PHF19: variants seen among roughly 807,000 people sequenced by gnomAD.
PHF19 encodes polycomb like 3.
In PHF19, 21 loss-of-function variants were observed where a neutral mutation model predicts 79.8. The observed-to-expected ratio is 0.26, with a 90% confidence interval of 0.19 to 0.38. The LOEUF is 0.38. PHF19 is among the 10% of genes least tolerant of loss of function. The pLI, the probability that PHF19 is intolerant of heterozygous loss-of-function variation, is 1.00. For missense variants in PHF19, 445 were observed against 744.2 expected (o/e 0.60, Z 4.68); for synonymous variants, 273 against 296.3 (o/e 0.92, Z 0.81).
At chr9:120,864,261 G>C (rs1382868775) in intron 9 of PHF19, 145 bp from the exon 10 acceptor site, 14 of 675,366 alleles carry the variant, frequency 2.1e-5, no homozygotes, top group Non-Finnish European at 3.5e-5. Context: ...TCTCAGAAAA[G>C]CCTTTTCACC....
chr9:120,861,089 C>A lies in PHF19; in HGVS notation c.1304G>T (p.Ser435Ile). 6.3e-7 allele frequency: 1 copy of A among 1,582,392 alleles called. No individual in the cohort carries two copies. The highest frequency in any genetic ancestry group is 8.7e-7 in the Non-Finnish European group (1 of 1,151,106). ...TCTGTGCTAGGTCCCTCACTGATAC[C>A]TTTTTAAACTTTGAATTTCATCCAG... ...FTLDEIQSLK[S>I]ASSGQTFFSD... The change falls in exon 13 of 15, where the codon AGT becomes ATT. Residue 435 changes from serine (S) to isoleucine (I), a missense_variant and splice_region_variant. Physicochemically the swap from Ser to Ile is moderately radical, Grantham distance 142. Transcript: ENST00000373896.
chr9:120,896,445 T>C (rs1215457968), upstream of PHF19, among the ~76,000 whole-genome samples: 32 of 128,056 alleles, frequency 2.5e-4, no homozygotes, highest in Non-Finnish European at 4.2e-4. Context: ...TTCTTTTTTT[T>C]TTTTTCTTTT....
chr9:120,881,338 G>A (rs541098557), upstream of PHF19, among the ~76,000 whole-genome samples: 2 of 151,800 alleles, frequency 1.3e-5, no homozygotes. Context: ...TAGTAGAGAC[G>A]GGCTTTCACC....
chr9:120,886,585 C>T (rs373379210), intron 1 of PHF19, among the ~76,000 whole-genome samples: 2 of 152,332 alleles, frequency 1.3e-5, no homozygotes, highest in South Asian at 2.1e-4. Context: ...TAGCCATGCA[C>T]TCCTGGTGTG....
chr9:120,877,224 G>C (rs1199315077), upstream of PHF19: 9 of 941,840 alleles, frequency 9.6e-6, no homozygotes, highest in Non-Finnish European at 1.0e-5. Context: ...GTCTCGGCGG[G>C]GGCGGGGCGG....
Position 120,869,798 on chromosome 9 carries a change from C to G in PHF19, c.465+47G>C. ...TGATGGGAGTCTCTGGTCTGCCCCA[C>G]TGGAGGAGGCAGGAGAGGCAGGGAC... On this transcript the variant is annotated intron_variant, in intron 5 of 14. Coordinates refer to ENST00000373896, the MANE Select transcript of PHF19 (RefSeq NM_015651.3). The surrounding 1 kb of genome is among the most constrained non-coding windows in gnomAD (Gnocchi z 5.8). The G allele has an allele frequency of 6.2e-7, 1 of 1,611,644 alleles. No homozygotes were observed. Among genetic ancestry groups the G allele is most frequent in the Non-Finnish European group, 8.5e-7 (1 of 1,179,100 alleles).
chr9:120,872,213 C>A (rs2045924971), intron 3 of PHF19, among the ~76,000 whole-genome samples: 2 of 152,134 alleles, frequency 1.3e-5, no homozygotes, highest in Admixed American at 1.3e-4. Flanking sequence ...GTGGTGCCCA[C>A]AGTGCATCTC....
rs934929019 is a variant in PHF19 at position 120,866,545 on chromosome 9, G to A, written c.710+325C>T. Among the ~76,000 whole-genome samples the A allele has an allele frequency of 1.3e-4, 20 of 152,170 alleles. No homozygotes were observed. The highest frequency in any genetic ancestry group is 4.4e-5 in the Non-Finnish European group (3 of 68,030). ...CCCAGTGACTCCCACAGCAACCCTG[G>A]GCAGGGCTGGCGCAAGGACTGTGTC... On this transcript the variant is annotated intron_variant, in intron 7 of 14. Coordinates refer to ENST00000373896, the MANE Select transcript of PHF19 (RefSeq NM_015651.3). This position sits in a 1 kb window ranked among gnomAD's most constrained non-coding sequence, Gnocchi z 5.2.
chr9:120,886,486 C>T (rs1385034556), intron 1 of PHF19, among the ~76,000 whole-genome samples: 1 of 152,252 alleles, frequency 6.6e-6, no homozygotes, highest in East Asian at 1.9e-4. Context: ...GGAGCTTGGT[C>T]TGTGCAGGTC....
rs373606245 is a variant in PHF19, at chr9:120,874,775, G to A, written c.-15-19C>T. ...CCTGACACTGGGAGAGAAAGAACAG[G>A]GTTTTTGCTTCTTGCTTCCCTGCTT... On this transcript the variant is annotated intron_variant, in intron 1 of 14. Coordinates refer to ENST00000373896, the MANE Select transcript of PHF19 (RefSeq NM_015651.3). The surrounding 1 kb of genome is among the most constrained non-coding windows in gnomAD (Gnocchi z 4.5). 21 of 1,561,198 alleles carry A rather than the reference G, an allele frequency of 1.3e-5. No individual in the cohort carries two copies. Among genetic ancestry groups the A allele is most frequent in the Non-Finnish European group, 1.8e-5 (20 of 1,137,636 alleles).
At chr9:120,871,757 CG>C (rs1465652970) in intron 3 of PHF19, among the ~76,000 whole-genome samples, 1 of 152,060 alleles carries the variant, frequency 6.6e-6, no homozygotes, top group Non-Finnish European at 1.5e-5. Flanking sequence ...GGGATCTCTT[CG>C]GCCGGGCGCA....
intron 3 of PHF19, 92 bp downstream of exon 3, chr9:120,873,887 A>T (rs2045973990): frequency 1.4e-6 from 1 of 717,586 alleles, no homozygotes; most frequent in Admixed American, 2.2e-5. Flanking sequence ...GCCAGGAGTA[A>T]GAGATGGAAG....
chr9:120,860,921 G>C lies in PHF19; in HGVS notation c.1304+168C>G, dbSNP rs1179371843. 1 of 601,062 alleles carries C rather than the reference G, an allele frequency of 1.7e-6. No individual in the cohort carries two copies. The highest frequency in any genetic ancestry group is 2.9e-5 in the East Asian group (1 of 34,646). The allele number at this position is 601,062 out of a possible 1,614,324, so 37.2% of individuals were successfully genotyped here. A position where few individuals can be genotyped will look rare whatever the true frequency, so the allele number is the denominator to read the frequency against. On this transcript the variant is annotated intron_variant, in intron 13 of 14. Transcript: ENST00000373896. The surrounding 1 kb of genome is among the most constrained non-coding windows in gnomAD (Gnocchi z 4.1). ...GTGGGGAGGGCTGGAGAAGAGGGGA[G>C]GGCTGTGGTGCTCTGGGAACAGGGA...
rs1304341529 is a variant in PHF19, at chr9:120,857,220, G to A, written c.*724C>T. The A allele has an allele frequency of 2.0e-5, 3 of 151,012 alleles. No homozygotes were observed. Among genetic ancestry groups the A allele is most frequent in the Non-Finnish European group, 4.4e-5 (3 of 67,912 alleles). 9.4% of individuals were successfully genotyped at this position (151,012 alleles called of 1,614,324 possible). ...AGCTCTATGGCGACTGAGGGGGTGAGGCCAGAGAACAGAAGACTTCTGGGA... is the reference window on the plus strand; with the variant it reads ...AGCTCTATGGCGACTGAGGGGGTGAAGCCAGAGAACAGAAGACTTCTGGGA... On this transcript the variant is annotated 3_prime_UTR_variant, in exon 15 of 15. Transcript: ENST00000373896.
At position 120,869,724 on chromosome 9, in the gene PHF19, C is replaced by G; in HGVS notation, c.465+121G>C. On this transcript the variant is annotated intron_variant, in intron 5 of 14. Transcript: ENST00000373896. This position sits in a 1 kb window ranked among gnomAD's most constrained non-coding sequence, Gnocchi z 5.8. ...CCAAGGACAGTGGCAGAGGCGCTAT[C>G]TGTCTCCAAAGCCCAGGTGTGGCCC... The G allele has an allele frequency of 6.4e-7, 1 of 1,564,904 alleles. No homozygotes were observed. Among genetic ancestry groups the G allele is most frequent in the South Asian group, 1.2e-5 (1 of 85,064 alleles).
intron 1 of PHF19, 43 bp downstream of exon 1, chr9:120,877,048 G>A (rs1011094662): frequency 6.1e-6 from 6 of 985,542 alleles, no homozygotes; most frequent in African/African-American, 5.2e-5. Context: ...GGGCCGGGAG[G>A]GGAGAGCGTG....
intron 1 of PHF19, chr9:120,876,111 G>A (rs1165907156): frequency 1.3e-5 from 2 of 152,876 alleles, no homozygotes; most frequent in Non-Finnish European, 1.5e-5. Flanking sequence ...AGTGTGTGAA[G>A]CTAAGTATGT....
At chr9:120,892,436 G>A (rs564970578) in intron 1 of PHF19, among the ~76,000 whole-genome samples, 10 of 152,276 alleles carry the variant, frequency 6.6e-5, no homozygotes, top group South Asian at 2.1e-4. Flanking sequence ...TGTTCCTCAC[G>A]TTTAACAGTG....
At chr9:120,879,713 AAG>A (rs1447287345), upstream of PHF19, among the ~76,000 whole-genome samples, 1 of 152,196 alleles carries the variant, frequency 6.6e-6, no homozygotes, top group African/African-American at 2.4e-5. Context: ...GAATTGAGGA[AAG>A]AGAACAAGTT....
Sources: gnomAD v4.1 joint callset for allele counts (sites outside exome capture counted in the v4.1 genomes callset) on GRCh38, gnomAD v4.1.1 for gene constraint, Gnocchi (gnomAD v3.1) non-coding constraint, MANE v1.5 for transcripts, NCBI Gene and HGNC (gene_info 2026-07-23, HGNC 2026-07-21) for gene names.